PGM1: variants seen among roughly 807,000 people sequenced by gnomAD.
PGM1 encodes the protein phosphoglucomutase-1.
A neutral mutation model predicts 55.6 loss-of-function variants in PGM1; 52 were observed. The observed-to-expected ratio is 0.94, with a 90% CI of 0.75 to 1.18. The LOEUF (loss-of-function observed/expected upper bound fraction) is 1.18, where lower values mean the gene tolerates loss of function less well. Among genes scored for constraint, PGM1 ranks in the 50% most tolerant of loss-of-function variants. The pLI, the probability that PGM1 is intolerant of heterozygous loss-of-function variation, is 0.00. For missense variants in PGM1, 724 were observed against 729.3 expected, an observed-to-expected ratio of 0.99 and a Z score of 0.08; for synonymous variants, 287 against 271.7, an observed-to-expected ratio of 1.06 and a Z score of -0.55.
chr1:63,615,625 C>T (rs542671421), intron 1 of PGM1, among the ~76,000 whole-genome samples: 2 of 132,874 alleles, frequency 1.5e-5, no homozygotes, highest in East Asian at 5.1e-4. Flanking sequence ...TGCAGTGGCG[C>T]GATCTCGACT....
At chr1:63,641,129 T>G (rs764752646) in intron 7 of PGM1, among the ~76,000 whole-genome samples, 1 of 152,230 alleles carries the variant, frequency 6.6e-6, no homozygotes, top group Non-Finnish European at 1.5e-5. Flanking sequence ...TGAACCAAAG[T>G]ATTAGACTTT....
chr1:63,633,882 G>C (rs866743726), intron 4 of PGM1, among the ~76,000 whole-genome samples: 7,340 of 44,084 alleles, frequency 0.17, 573 homozygotes, highest in Middle Eastern at 0.21. Context: ...GTGTGTGTGT[G>C]TGTGTGTGTG....
chr1:63,629,444 G>T lies in PGM1; in HGVS notation c.266G>T (p.Gly89Val), dbSNP rs1221268268. The T allele has an allele frequency of 1.2e-6, 2 of 1,613,628 alleles. No homozygotes were observed. The highest frequency in any genetic ancestry group is 1.7e-6 in the Non-Finnish European group (2 of 1,179,634). The change falls in exon 2 of 11, where the codon GGA becomes GTA. Residue 89 changes from glycine (G) to valine (V), a missense_variant. Around this residue, in one of 3 missense-constraint regions of PGM1, gnomAD observed 379 missense variants for 357.5 expected, o/e 1.06. Transcript: ENST00000371084. ...AANGIGRLVI[G>V]QNGILSTPAV... ...TCCTAGATCGGTCGCTTGGTTATCGGACAGAATGGAATCCTCTCCACCCCT... is the reference window on the plus strand; with the variant it reads ...TCCTAGATCGGTCGCTTGGTTATCGTACAGAATGGAATCCTCTCCACCCCT...
chr1:63,638,337 T>C (rs1488111562), intron 6 of PGM1, among the ~76,000 whole-genome samples: 1 of 152,224 alleles, frequency 6.6e-6, no homozygotes, highest in East Asian at 1.9e-4. Flanking sequence ...CAAAACATCA[T>C]TCTTCTCTTC....
At chr1:63,639,982 A>G (rs1649472866) in intron 7 of PGM1, among the ~76,000 whole-genome samples, 2 of 152,226 alleles carry the variant, frequency 1.3e-5, no homozygotes. Context: ...TTCCACAACA[A>G]AGGCTAGACA....
At chr1:63,637,418 T>C (rs960971184) in intron 6 of PGM1, among the ~76,000 whole-genome samples, 5 of 152,220 alleles carry the variant, frequency 3.3e-5, no homozygotes, top group African/African-American at 1.2e-4. Flanking sequence ...TTGTTTTCTG[T>C]AGAGGGGAGA....
chr1:63,604,253 A>G (rs1375477336), intron 1 of PGM1, among the ~76,000 whole-genome samples: 1 of 152,222 alleles, frequency 6.6e-6, no homozygotes, highest in Non-Finnish European at 1.5e-5. Context: ...GACACTCAAA[A>G]CAACAGTGGA....
chr1:63,655,569 C>G (rs1649942095), intron 10 of PGM1, among the ~76,000 whole-genome samples: 1 of 152,086 alleles, frequency 6.6e-6, no homozygotes, highest in Non-Finnish European at 1.5e-5. Flanking sequence ...AGGACAACCC[C>G]CAAAAATGGA....
intron 1 of PGM1, among the ~76,000 whole-genome samples, chr1:63,596,254 C>CTTTTTTTTTTTTTT (rs531673796): frequency 2.7e-4 from 30 of 111,328 alleles, no homozygotes; most frequent in East Asian, 5.2e-4. Flanking sequence ...TTTTCTTCTT[C>CTTTTTTTTTTTTTT]TTTTTTTTTT....
intron 8 of PGM1, chr1:63,651,229 C>G (rs1375444457): frequency 5.8e-6 from 1 of 172,228 alleles, no homozygotes; most frequent in Non-Finnish European, 1.3e-5. Context: ...AGGCTGGGAG[C>G]AGGCCCAGCA....
chr1:63,659,210 C>T (rs1473695278), intron 10 of PGM1, among the ~76,000 whole-genome samples: 1 of 152,126 alleles, frequency 6.6e-6, no homozygotes, highest in Non-Finnish European at 1.5e-5. Flanking sequence ...ACTCACTGCT[C>T]CAGGTAAGAG....
chr1:63,651,782 T>A lies in PGM1; in HGVS notation c.1394T>A (p.Val465Asp), dbSNP rs1472992493. 2 of 1,613,754 alleles carry A rather than the reference T, an allele frequency of 1.2e-6. No homozygotes were observed. The highest frequency in any genetic ancestry group is 3.3e-5 in the Admixed American group (2 of 59,992). ...AAGCAGTTCTCAGCAAATGACAAAGTTTACACTGTGGAGAAGGCCGATAAC... is the reference window on the plus strand; with the variant it reads ...AAGCAGTTCTCAGCAAATGACAAAGATTACACTGTGGAGAAGGCCGATAAC... ...VGKQFSANDKVYTVEKADNFE... is the reference protein window; with the variant it reads ...VGKQFSANDKDYTVEKADNFE... The change falls in exon 9 of 11, where the codon GTT (valine) becomes GAT (aspartate). Residue 465 changes from valine to aspartate, a missense_variant. This residue lies in a region of PGM1 where 316 missense variants were observed against 313.1 expected (regional missense o/e 1.01). Coordinates refer to ENST00000371084, the MANE Select transcript of PGM1 (RefSeq NM_002633.3).
chr1:63,650,437 G>A (rs1649778428), intron 8 of PGM1, among the ~76,000 whole-genome samples: 1 of 152,150 alleles, frequency 6.6e-6, no homozygotes, highest in African/African-American at 2.4e-5. Context: ...ACAAACACCT[G>A]GTTGTAATTT....
rs1480903071 is a variant in PGM1, at chr1:63,629,356, G to T, written c.247-69G>T. The T allele has an allele frequency of 2.2e-5, 28 of 1,287,762 alleles. No homozygotes were observed. The Middle Eastern group carries it at 1.8e-3, about 84-fold the overall frequency. 79.8% of individuals were successfully genotyped at this position (1,287,762 alleles called of 1,614,324 possible). ...TTTTGTCCATCTGCCTGTTGTCTTG[G>T]TGTTGTTTCTGAGCGGTGACTCTGG... On this transcript the variant is annotated intron_variant, in intron 1 of 10. Transcript: ENST00000371084.
Position 63,659,771 on chromosome 1 carries a change from A to G in PGM1, c.*96A>G. On this transcript the variant is annotated 3_prime_UTR_variant, in exon 11 of 11. Coordinates refer to ENST00000371084, the MANE Select transcript of PGM1 (RefSeq NM_002633.3). ...CAGAAACAAAATGTATTCACCAAGC[A>G]TTTTAGGATTTGACTTTTTCACTAA... The G allele has an allele frequency of 1.1e-6, 1 of 918,144 alleles. No homozygotes were observed. The highest frequency in any genetic ancestry group is 1.4e-5 in the South Asian group (1 of 73,892). 56.9% of individuals were successfully genotyped at this position (918,144 alleles called of 1,614,324 possible). A position where few individuals can be genotyped will look rare whatever the true frequency, so the allele number is the denominator to read the frequency against.
intron 1 of PGM1, among the ~76,000 whole-genome samples, chr1:63,596,254 C>CT (rs531673796): frequency 0.035 from 3,933 of 111,334 alleles, 129 homozygotes; most frequent in South Asian, 0.047. Flanking sequence ...TTTTCTTCTT[C>CT]TTTTTTTTTT....
intron 1 of PGM1, among the ~76,000 whole-genome samples, chr1:63,628,589 T>C (rs550451857): frequency 2.3e-4 from 35 of 152,344 alleles, no homozygotes; most frequent in South Asian, 2.3e-3. Flanking sequence ...AAAAAATCCC[T>C]GTTTTTTAAG....
At chr1:63,607,351 G>T (rs1451874604) in intron 1 of PGM1, among the ~76,000 whole-genome samples, 2 of 152,298 alleles carry the variant, frequency 1.3e-5, no homozygotes, top group East Asian at 1.9e-4. Flanking sequence ...AGCATGGGAG[G>T]GTTAAAGATG....
chr1:63,595,250 G>A (rs1317643097), intron 1 of PGM1, among the ~76,000 whole-genome samples: 5 of 152,178 alleles, frequency 3.3e-5, no homozygotes, highest in African/African-American at 1.2e-4. Context: ...AGCCCTATAA[G>A]GTAGATGCTA....
Sources: gnomAD v4.1 joint callset for allele counts (sites outside exome capture counted in the v4.1 genomes callset) on GRCh38, gnomAD v4.1.1 for gene constraint, gnomAD v4.1.1 regional missense constraint, MANE v1.5 for transcripts, NCBI Gene and HGNC (gene_info 2026-07-23, HGNC 2026-07-21) for gene names.